The following AGAP1 variants were observed in gnomAD, a reference collection of about 807,000 sequenced individuals.
AGAP1 encodes ArfGAP with GTPase domain, ankyrin repeat and PH domain 1.
AGAP1 carries 29 observed loss-of-function variants against 105.3 expected under a neutral mutation model. The ratio of observed to expected loss-of-function variants is 0.28; its 90% CI spans 0.21 to 0.38. The LOEUF (loss-of-function observed/expected upper bound fraction) is 0.38. AGAP1 is among the 10% of genes least tolerant of loss of function. The probability of loss-of-function intolerance (pLI) is 1.00; values close to 1 mark genes in which losing one functional copy is unlikely to be tolerated. For missense variants in AGAP1, 998 were observed against 1,165.1 expected, an observed-to-expected ratio of 0.86 and a Z score of 2.09; for synonymous variants, 509 against 485.9, an observed-to-expected ratio of 1.05 and a Z score of -0.63.
In AGAP1 at chr2:236,009,591, C is replaced by T. The variant is rs939044198; in HGVS notation, c.1646-26970C>T. 2.0e-5 allele frequency among the ~76,000 whole-genome samples: 3 copies of T among 152,182 alleles called. No homozygotes were observed. Among genetic ancestry groups the T allele is most frequent in the Non-Finnish European group, 4.4e-5 (3 of 68,036 alleles). Reference sequence around the variant, plus strand: ...TCTTAGAGGTACAAATTTACGCTCCCTTCTATGAATAGAGAGGGCTATTTG... The same window carrying T: ...TCTTAGAGGTACAAATTTACGCTCCTTTCTATGAATAGAGAGGGCTATTTG... On this transcript the variant is annotated intron_variant, in intron 13 of 17. Coordinates refer to ENST00000304032, the MANE Select transcript of AGAP1 (RefSeq NM_001037131.3). This position sits in a 1 kb window ranked among gnomAD's most constrained non-coding sequence, Gnocchi z 4.2.
Position 235,842,738 on chromosome 2 carries a change from G to GT in AGAP1, c.1050+35414dup, listed in dbSNP as rs200776016. Among the ~76,000 whole-genome samples, 5,056 of 151,836 alleles carry GT rather than the reference G, an allele frequency of 0.033. 246 individuals carry two copies. The highest frequency in any genetic ancestry group is 0.11 in the African/African-American group (4,621 of 41,382). On this transcript the variant is annotated intron_variant, in intron 9 of 17. Transcript: ENST00000304032. This position sits in a 1 kb window ranked among gnomAD's most constrained non-coding sequence, Gnocchi z 5.3. ...AGGTTTGTTTTTTTTGTTTTGTTTTGTTTTTTTGAGATGGAGTCTCACTCT... is the reference window on the plus strand; with the variant it reads ...AGGTTTGTTTTTTTTGTTTTGTTTTGTTTTTTTTGAGATGGAGTCTCACTCT...
intron 1 of AGAP1, among the ~76,000 whole-genome samples, chr2:235,629,268 TTGTG>T (rs60059513): frequency 0.058 from 7,832 of 135,542 alleles, 269 homozygotes; most frequent in African/African-American, 0.13. Context: ...GTAGTAGTCA[TTGTG>T]TGTGTGTGTG....
intron 1 of AGAP1, chr2:235,670,280 C>T (rs1948315627): frequency 4.5e-6 from 2 of 444,524 alleles, no homozygotes; most frequent in South Asian, 4.7e-5. Flanking sequence ...CCGGCCCGCG[C>T]GCTCCCCGGA....
Position 235,733,424 on chromosome 2 carries a change from C to G in AGAP1, c.311-7539C>G, listed in dbSNP as rs1051421075. On this transcript the variant is annotated intron_variant, in intron 3 of 17. Coordinates refer to ENST00000304032, the MANE Select transcript of AGAP1 (RefSeq NM_001037131.3). The surrounding 1 kb of genome is among the most constrained non-coding windows in gnomAD (Gnocchi z 5.0). ...TGAGGAGCCTCCGCCCAGCTCAAATCTTCCTTTTTGTTCCTTAGAGCCTGC... is the reference window on the plus strand; with the variant it reads ...TGAGGAGCCTCCGCCCAGCTCAAATGTTCCTTTTTGTTCCTTAGAGCCTGC... Among the ~76,000 whole-genome samples, 3 of 152,196 alleles carry G rather than the reference C, an allele frequency of 2.0e-5. No individual in the cohort carries two copies. Among genetic ancestry groups the G allele is most frequent in the African/African-American group, 7.2e-5 (3 of 41,448 alleles).
intron 1 of AGAP1, among the ~76,000 whole-genome samples, chr2:235,515,182 T>G (rs974525727): frequency 1.3e-5 from 2 of 152,142 alleles, no homozygotes; most frequent in Non-Finnish European, 2.9e-5. Flanking sequence ...AACATGAGAA[T>G]CCCATTCTGG....
rs1325224876 is a variant in AGAP1 at position 235,844,633 on chromosome 2, TG to T, written c.1050+37303del. On this transcript the variant is annotated intron_variant, in intron 9 of 17. Transcript: ENST00000304032. ...TTGGCACGGCATTTAAGGCTCCCCC[TG>T]ACCGATGTCTGCCTCCCTGTCCCAG... 4.6e-5 allele frequency among the ~76,000 whole-genome samples: 7 copies of T among 152,272 alleles called. No homozygotes were observed. In the East Asian group the frequency reaches 9.7e-4, roughly 21 times the overall value.
intron 1 of AGAP1, among the ~76,000 whole-genome samples, chr2:235,532,254 T>G (rs575327299): frequency 1.3e-5 from 2 of 152,186 alleles, no homozygotes; most frequent in Non-Finnish European, 2.9e-5. Context: ...AGTCTCTCTC[T>G]TGCCCAGGCT....
rs575214016 is a variant in AGAP1 at position 235,557,109 on chromosome 2, G to A, written c.163+62260G>A. Among the ~76,000 whole-genome samples the A allele has an allele frequency of 2.4e-4, 37 of 152,216 alleles. No homozygotes were observed. The highest frequency in any genetic ancestry group is 3.4e-3 in the Middle Eastern group (1 of 292). ...TCCTGGGGTGAGCTCTGGAGCCCGT[G>A]GGTCTGGTTGTCTTGCTGACCTGGT... On this transcript the variant is annotated intron_variant, in intron 1 of 17. Transcript: ENST00000304032. The surrounding 1 kb of genome is among the most constrained non-coding windows in gnomAD (Gnocchi z 4.7).
chr2:235,651,344 A>ATGTTTTGT (rs1559315084), intron 1 of AGAP1, among the ~76,000 whole-genome samples: 1 of 152,158 alleles, frequency 6.6e-6, no homozygotes, highest in Non-Finnish European at 1.5e-5. Context: ...AGATATCTCC[A>ATGTTTTGT]TCAGCAATGT....
rs57575681 is a variant in AGAP1, at chr2:235,942,685, A to AAC, written c.1483+11762_1483+11763insAC. On this transcript the variant is annotated intron_variant, in intron 12 of 17. Transcript: ENST00000304032. ...GAAACTCTGTCTAAAAAAAAAAAAAATTACATTTTAAAAATTTCCTAGCAT... is the reference window on the plus strand; with the variant it reads ...GAAACTCTGTCTAAAAAAAAAAAAAAACTTACATTTTAAAAATTTCCTAGCAT... Among the ~76,000 whole-genome samples, 1,156 of 150,950 alleles carry AAC rather than the reference A, an allele frequency of 7.7e-3. 10 individuals carry two copies. Among genetic ancestry groups the AAC allele is most frequent in the Admixed American group, 0.027 (413 of 15,184 alleles).
At chr2:236,084,106 T>G (rs1187777549) in intron 16 of AGAP1, among the ~76,000 whole-genome samples, 1 of 152,122 alleles carries the variant, frequency 6.6e-6, no homozygotes, top group Non-Finnish European at 1.5e-5. Flanking sequence ...ACCCCTGTCA[T>G]AAAACCCCTA....
chr2:235,825,939 G>A (rs558071048), intron 9 of AGAP1, among the ~76,000 whole-genome samples: 1 of 152,160 alleles, frequency 6.6e-6, no homozygotes, highest in African/African-American at 2.4e-5. Flanking sequence ...CTTTCACATT[G>A]CATGCCTGTA....
rs115160652 is a variant in AGAP1, at chr2:236,080,295, C to T, written c.2114+31014C>T. 1.2e-3 allele frequency among the ~76,000 whole-genome samples: 190 copies of T among 152,318 alleles called. No homozygotes were observed. Among genetic ancestry groups the T allele is most frequent in the African/African-American group, 4.2e-3 (175 of 41,572 alleles). On this transcript the variant is annotated intron_variant, in intron 16 of 17. Coordinates refer to ENST00000304032, the MANE Select transcript of AGAP1 (RefSeq NM_001037131.3). The surrounding 1 kb of genome is among the most constrained non-coding windows in gnomAD (Gnocchi z 4.2). ...GAAAGGAGAGAGAAGAATTGTTACC[C>T]GGCAAAGATCAGACTGCCTCCTCCA... is the stretch of plus-strand genomic sequence containing the variant.
intron 9 of AGAP1, among the ~76,000 whole-genome samples, chr2:235,809,475 G>A (rs1428625377): frequency 2.0e-5 from 3 of 152,098 alleles, no homozygotes; most frequent in South Asian, 2.1e-4. Context: ...AAGTGCCCCC[G>A]TGGCCAGCTC....
At position 235,553,905 on chromosome 2, in the gene AGAP1, C is replaced by A. The variant is rs1300770175; in HGVS notation, c.163+59056C>A. Among the ~76,000 whole-genome samples the A allele has an allele frequency of 1.3e-5, 2 of 152,258 alleles. No homozygotes were observed. The highest frequency in any genetic ancestry group is 2.9e-5 in the Non-Finnish European group (2 of 68,046). On this transcript the variant is annotated intron_variant, in intron 1 of 17. Transcript: ENST00000304032. The surrounding 1 kb of genome is among the most constrained non-coding windows in gnomAD (Gnocchi z 4.5). ...CCCGAAGCACGGTTGCCTCCGCCTC[C>A]CACCCCACCCCGTGGTGCGGCGTGT...
intron 1 of AGAP1, among the ~76,000 whole-genome samples, chr2:235,653,799 A>G (rs533007067): frequency 2.0e-4 from 31 of 152,240 alleles, no homozygotes; most frequent in South Asian, 4.1e-4. Context: ...GCTCACGCCT[A>G]TAATCACAAC....
chr2:235,859,817 C>G (rs1467756588), intron 9 of AGAP1, among the ~76,000 whole-genome samples: 1 of 152,170 alleles, frequency 6.6e-6, no homozygotes, highest in Non-Finnish European at 1.5e-5. Context: ...CTCTGAAATG[C>G]CTCCGCCCTG....
At chr2:235,911,360 C>T (rs1412367137) in intron 11 of AGAP1, among the ~76,000 whole-genome samples, 2 of 152,170 alleles carry the variant, frequency 1.3e-5, no homozygotes, top group African/African-American at 2.4e-5. Context: ...ATGCTGCGGT[C>T]GGCTCCCCAG....
Position 236,005,542 on chromosome 2 carries a change from C to A in AGAP1, c.1646-31019C>A, listed in dbSNP as rs1476068736. Reference sequence around the variant, plus strand: ...ATTAAAGTCCACACTTTATTTGCATCTCTTTAGCTTTAACCTCATGCCGTG... The same window carrying A: ...ATTAAAGTCCACACTTTATTTGCATATCTTTAGCTTTAACCTCATGCCGTG... On this transcript the variant is annotated intron_variant, in intron 13 of 17. Coordinates refer to ENST00000304032, the MANE Select transcript of AGAP1 (RefSeq NM_001037131.3). This position sits in a 1 kb window ranked among gnomAD's most constrained non-coding sequence, Gnocchi z 4.1. 6.6e-6 allele frequency among the ~76,000 whole-genome samples: 1 copy of A among 152,208 alleles called. No individual in the cohort carries two copies. The highest frequency in any genetic ancestry group is 2.4e-5 in the African/African-American group (1 of 41,442).
Sources: allele counts gnomAD v4.1 joint callset (sites outside exome capture counted in the v4.1 genomes callset), GRCh38; gene constraint gnomAD v4.1.1; non-coding constraint Gnocchi (gnomAD v3.1); transcripts MANE v1.5; gene names NCBI Gene and HGNC (gene_info 2026-07-23, HGNC 2026-07-21).